The following AK3 variants were observed in gnomAD, a reference collection of about 807,000 sequenced individuals.
AK3 encodes the protein GTP:AMP phosphotransferase AK3, mitochondrial.
A neutral mutation model predicts 23.7 loss-of-function variants in AK3; 27 were observed. The observed-to-expected ratio is 1.14, with a 90% CI of 0.84 to 1.57. AK3 has a LOEUF of 1.57. Ranked by LOEUF, AK3 falls within the 40% of genes most tolerant of loss-of-function variation. AK3 has a pLI of 0.00. For missense variants in AK3, 406 were observed against 285.6 expected, an observed-to-expected ratio of 1.42 and a Z score of -3.04; for synonymous variants, 159 against 116.0, an observed-to-expected ratio of 1.37 and a Z score of -2.38.
intron 1 of AK3, among the ~76,000 whole-genome samples, chr9:4,734,025 C>A (rs1842214139): frequency 1.3e-5 from 2 of 152,142 alleles, no homozygotes; most frequent in African/African-American, 4.8e-5. Context: ...GGAAGTATGT[C>A]TCCCCTAAAT....
chr9:4,734,617 A>G (rs1218976117), intron 1 of AK3, among the ~76,000 whole-genome samples: 1 of 152,256 alleles, frequency 6.6e-6, no homozygotes, highest in Non-Finnish European at 1.5e-5. Flanking sequence ...GTTAAAAAAT[A>G]CCAATCTAGC....
At chr9:4,730,050 A>G (rs1196692611) in intron 1 of AK3, among the ~76,000 whole-genome samples, 1 of 152,222 alleles carries the variant, frequency 6.6e-6, no homozygotes, top group African/African-American at 2.4e-5. Flanking sequence ...ACCTTCAAAC[A>G]TGCTCAGTGA....
chr9:4,717,305 G>C (rs187604272), intron 4 of AK3, among the ~76,000 whole-genome samples: 1 of 152,320 alleles, frequency 6.6e-6, no homozygotes, highest in Non-Finnish European at 1.5e-5. Context: ...GGAAGGCTCA[G>C]TAAGAAAACT....
chr9:4,731,255 T>C (rs986731021), intron 1 of AK3, among the ~76,000 whole-genome samples: 1 of 152,150 alleles, frequency 6.6e-6, no homozygotes, highest in African/African-American at 2.4e-5. Flanking sequence ...TTTTTCCTGA[T>C]CCTCTCCCTC....
chr9:4,718,244 A>C (rs1342151900), intron 4 of AK3, among the ~76,000 whole-genome samples, 175 bp downstream of exon 4: 1 of 152,244 alleles, frequency 6.6e-6, no homozygotes, highest in African/African-American at 2.4e-5. Context: ...GTGTGACTGA[A>C]GCCCAACCTA....
intron 4 of AK3, among the ~76,000 whole-genome samples, chr9:4,717,366 G>A (rs908509671): frequency 5.9e-5 from 9 of 152,208 alleles, no homozygotes; most frequent in African/African-American, 1.7e-4. Flanking sequence ...GTTCCTATAC[G>A]TGTTGCAGAC....
intron 1 of AK3, among the ~76,000 whole-genome samples, chr9:4,740,238 G>T (rs1842396412): frequency 6.6e-6 from 1 of 152,134 alleles, no homozygotes; most frequent in Admixed American, 6.5e-5. Context: ...TCTTAAGAGA[G>T]AATTTACATA....
intron 1 of AK3, among the ~76,000 whole-genome samples, chr9:4,736,354 G>C (rs962791303): frequency 6.6e-6 from 1 of 151,520 alleles, no homozygotes; most frequent in Non-Finnish European, 1.5e-5. Context: ...CATACACAAA[G>C]AGAAGCATAG....
At chr9:4,734,186 T>C (rs1362258742) in intron 1 of AK3, among the ~76,000 whole-genome samples, 1 of 152,168 alleles carries the variant, frequency 6.6e-6, no homozygotes, top group African/African-American at 2.4e-5. Context: ...CAGGGTTGCC[T>C]GCTTACAGAG....
At chr9:4,730,707 AC>A (rs1842133097) in intron 1 of AK3, among the ~76,000 whole-genome samples, 1 of 152,182 alleles carries the variant, frequency 6.6e-6, no homozygotes, top group Admixed American at 6.5e-5. Flanking sequence ...TTTATCATGA[AC>A]TTTTTTATGT....
At chr9:4,732,759 A>G (rs999309933) in intron 1 of AK3, among the ~76,000 whole-genome samples, 3 of 152,162 alleles carry the variant, frequency 2.0e-5, no homozygotes, top group African/African-American at 7.2e-5. Flanking sequence ...TGTTACCCAA[A>G]TCAACCACAC....
At chr9:4,738,701 C>T (rs1479549395) in intron 1 of AK3, among the ~76,000 whole-genome samples, 1 of 150,188 alleles carries the variant, frequency 6.7e-6, no homozygotes, top group Non-Finnish European at 1.5e-5. Context: ...TCTTAATTTA[C>T]CTTTTTTACA....
rs1554628263 is a variant in AK3, at chr9:4,735,466, G to GTA, written c.151+5469_151+5470dup. On this transcript the variant is annotated intron_variant, in intron 1 of 4. Coordinates refer to ENST00000381809, the MANE Select transcript of AK3 (RefSeq NM_016282.4). ...ATATAAATATATACATAGTATATGT[G>GTA]TATATATATATATTTTTTTTTTTTT... Among the ~76,000 whole-genome samples, 27 of 46,916 alleles carry GTA rather than the reference G, an allele frequency of 5.8e-4. 6 individuals carry two copies. The highest frequency in any genetic ancestry group is 1.6e-3 in the East Asian group (3 of 1,894). The allele number at this position is 46,916 out of a possible 152,430, so 30.8% of individuals were successfully genotyped here. A position where few individuals can be genotyped will look rare whatever the true frequency, so the allele number is the denominator to read the frequency against.
intron 4 of AK3, among the ~76,000 whole-genome samples, chr9:4,713,664 A>G (rs936911437): frequency 1.3e-5 from 2 of 152,128 alleles, no homozygotes; most frequent in Admixed American, 1.3e-4. Flanking sequence ...AGGGGAATAA[A>G]AAGTGTTGGT....
chr9:4,721,097 T>A (rs1306930350), intron 2 of AK3, among the ~76,000 whole-genome samples: 2 of 152,152 alleles, frequency 1.3e-5, no homozygotes, highest in African/African-American at 4.8e-5. Context: ...CCATGCAACA[T>A]ATTTTGTTTT....
Position 4,712,181 on chromosome 9 carries a change from A to G in AK3, c.*795T>C, listed in dbSNP as rs1429150818. 4 of 152,192 alleles carry G rather than the reference A, an allele frequency of 2.6e-5. No individual in the cohort carries two copies. Among genetic ancestry groups the G allele is most frequent in the South Asian group, 2.1e-4 (1 of 4,834 alleles). 9.4% of individuals were successfully genotyped at this position (152,192 alleles called of 1,614,324 possible). ...TAAAACACATTTCTTAACCTGAGTC[A>G]TAACTGAAAACATAGACTTTAATTA... On this transcript the variant is annotated 3_prime_UTR_variant, in exon 5 of 5. Transcript: ENST00000381809.
chr9:4,722,577 G>A lies in AK3; in HGVS notation c.200C>T (p.Pro67Leu), dbSNP rs146261577. ...GGCCAGCCGAGTCATGACATCATCT[G>A]GGATGAGTTTCCCTTGGTCAATGAA... ...KAFIDQGKLIPDDVMTRLALH... is the reference protein window; with the variant it reads ...KAFIDQGKLILDDVMTRLALH... Residue 67 changes from proline to leucine, a missense_variant, in exon 2 of 5, where the codon CCA becomes CTA. By Grantham distance (98) the Pro-to-Leu change is moderately conservative. Coordinates refer to ENST00000381809, the MANE Select transcript of AK3 (RefSeq NM_016282.4). 174 of 1,614,174 alleles carry A rather than the reference G, an allele frequency of 1.1e-4. No homozygotes were observed. The highest frequency in any genetic ancestry group is 2.8e-5 in the Non-Finnish European group (33 of 1,180,022).
At chr9:4,725,995 T>A (rs1228620915) in intron 1 of AK3, among the ~76,000 whole-genome samples, 1 of 152,178 alleles carries the variant, frequency 6.6e-6, no homozygotes, top group Non-Finnish European at 1.5e-5. Context: ...TTTTTTGGTT[T>A]CTCGGTGCAT....
Position 4,740,824 on chromosome 9 carries a change from G to C in AK3, c.151+113C>G, listed in dbSNP as rs1049091251. The C allele has an allele frequency of 2.4e-6, 3 of 1,262,558 alleles. No homozygotes were observed. In the African/African-American group the frequency reaches 4.7e-5, roughly 20 times the overall value. The allele number at this position is 1,262,558 out of a possible 1,614,324, so 78.2% of individuals were successfully genotyped here. On this transcript the variant is annotated intron_variant, in intron 1 of 4. Transcript: ENST00000381809. ...CCGAGGTCTCTGTCCCGGGCGGCGG[G>C]AGGGAAATGCCGCGCCCGCAGCCAG...
Sources: gnomAD v4.1 joint callset for allele counts (sites outside exome capture counted in the v4.1 genomes callset) on GRCh38, gnomAD v4.1.1 for gene constraint, MANE v1.5 for transcripts, NCBI Gene and HGNC (gene_info 2026-07-23, HGNC 2026-07-21) for gene names.